The following SHOC1 variants were observed in gnomAD, a reference collection of about 807,000 sequenced individuals.
The protein encoded by SHOC1 is protein shortage in chiasmata 1 ortholog.
Under a neutral mutation model 179.2 loss-of-function variants are expected in SHOC1, and 136 were observed. That is an observed-to-expected ratio of 0.76 (90% confidence interval 0.66 to 0.87). The LOEUF (loss-of-function observed/expected upper bound fraction) is 0.87, where lower values mean the gene tolerates loss of function less well. Ranked by LOEUF, SHOC1 falls within the 40% of genes least tolerant of loss-of-function variation. The pLI is 0.00. For missense variants in SHOC1, 1,538 were observed against 1,700.8 expected, an observed-to-expected ratio of 0.90 and a Z score of 1.68; for synonymous variants, 489 against 586.6, an observed-to-expected ratio of 0.83 and a Z score of 2.41.
intron 20 of SHOC1, 53 bp downstream of exon 20, chr9:111,706,515 A>T: frequency 7.6e-7 from 1 of 1,313,746 alleles, no homozygotes; most frequent in South Asian, 1.7e-5. Flanking sequence ...AACAAAAAAT[A>T]GAAAATTTTC....
chr9:111,712,449 G>C (rs73656296), intron 18 of SHOC1, among the ~76,000 whole-genome samples: 1,709 of 149,106 alleles, frequency 0.011, 25 homozygotes, highest in African/African-American at 0.042. Context: ...ATCTCTATGC[G>C]GTATATATGT....
At chr9:111,759,205 G>T (rs762504561) in intron 5 of SHOC1, 1 of 1,613,610 alleles carries the variant, frequency 6.2e-7, no homozygotes, top group Non-Finnish European at 8.5e-7. Context: ...AGAAATAGAA[G>T]TATTTGACTT....
At chr9:111,750,787 G>A (rs535414763) in intron 8 of SHOC1, among the ~76,000 whole-genome samples, 1 of 152,268 alleles carries the variant, frequency 6.6e-6, no homozygotes, top group East Asian at 1.9e-4. Flanking sequence ...CTCCCATTTT[G>A]TAGGCTGTCT....
At chr9:111,790,620 C>G (rs1034341059) in intron 2 of SHOC1, among the ~76,000 whole-genome samples, 1 of 107,912 alleles carries the variant, frequency 9.3e-6, no homozygotes, top group African/African-American at 3.6e-5. Context: ...TCTCGGCTCA[C>G]TGCAACCTCC....
chr9:111,723,207 C>T (rs1833147672), intron 14 of SHOC1, among the ~76,000 whole-genome samples: 1 of 152,010 alleles, frequency 6.6e-6, no homozygotes, highest in African/African-American at 2.4e-5. Flanking sequence ...TTAAGCCAAA[C>T]AATGAAAAAT....
At chr9:111,739,480 C>G (rs1178169262) in intron 11 of SHOC1, among the ~76,000 whole-genome samples, 2 of 152,188 alleles carry the variant, frequency 1.3e-5, no homozygotes. Context: ...TTCCTCATCC[C>G]CCAACCCCTG....
intron 22 of SHOC1, 36 bp downstream of exon 22, chr9:111,703,845 T>C (rs967884514): frequency 3.0e-6 from 3 of 993,466 alleles, no homozygotes; most frequent in African/African-American, 1.6e-5. Flanking sequence ...TATATTTTAG[T>C]CTATTTTAGT....
chr9:111,724,805 GA>G (rs1833224710), intron 13 of SHOC1, among the ~76,000 whole-genome samples: 1 of 152,144 alleles, frequency 6.6e-6, no homozygotes, highest in Non-Finnish European at 1.5e-5. Flanking sequence ...TTGCCACATT[GA>G]ATTGAAATGA....
chr9:111,723,515 G>C (rs1006576638), intron 14 of SHOC1, among the ~76,000 whole-genome samples: 1 of 152,186 alleles, frequency 6.6e-6, no homozygotes, highest in Non-Finnish European at 1.5e-5. Context: ...AAGAGTCCGA[G>C]GAGGTACAGT....
chr9:111,721,362 C>T lies in SHOC1; in HGVS notation c.2131+1047G>A, dbSNP rs114575360. 5.2e-3 allele frequency among the ~76,000 whole-genome samples: 798 copies of T among 152,242 alleles called. 5 individuals carry two copies. The highest frequency in any genetic ancestry group is 0.017 in the African/African-American group (712 of 41,554). ...GTTTGTTTTTGTTTTTGTTTTGAGA[C>T]GAAGTCTCACTCTGTTACCCAGGCT... is the stretch of plus-strand genomic sequence containing the variant. On this transcript the variant is annotated intron_variant, in intron 15 of 27. Transcript: ENST00000682961.
At position 111,686,786 on chromosome 9, in the gene SHOC1, C is replaced by T. The variant is rs377411324; in HGVS notation, c.4511G>A (p.Arg1504Gln). Residue 1504 changes from arginine to glutamine, a missense_variant, in exon 28 of 28, where the codon CGG (arginine) becomes CAG (glutamine). By Grantham distance (43) the Arg-to-Gln change is conservative. Coordinates refer to ENST00000682961, the MANE Select transcript of SHOC1 (RefSeq NM_001378211.1). ...TCTCCTCCTTCAAAAAAACCTCAGC[C>T]GAGTCTGCCCATCAACTCTACCAGG... ...KVPGRVDGQTRLRFF is the reference protein window; with the variant it reads ...KVPGRVDGQTQLRFF The T allele has an allele frequency of 1.7e-5, 27 of 1,612,472 alleles. No individual in the cohort carries two copies. Among genetic ancestry groups the T allele is most frequent in the East Asian group, 4.5e-5 (2 of 44,862 alleles).
At chr9:111,781,748 A>AT (rs1422600372) in intron 3 of SHOC1, among the ~76,000 whole-genome samples, 1,647 of 151,440 alleles carry the variant, frequency 0.011, 9 homozygotes, top group African/African-American at 0.017. Flanking sequence ...AAATAAATAA[A>AT]TAAATTTGTA....
rs1191844783 is a variant in SHOC1 at position 111,691,845 on chromosome 9, CA to C, written c.4131del (p.Ala1378HisfsTer79). ...AATTTGTTACATGCAGTCTGCTGTG[CA>C]CCATATTGTAAGTTGAACGGGTGAT... Reference protein sequence around the residue: ...QENHPFNLQYGAQQTACNKLY... With the variant: ...QENHPFNLQYXAQQTACNKLY... On this transcript the variant is annotated frameshift_variant, in exon 27 of 28. Coordinates refer to ENST00000682961, the MANE Select transcript of SHOC1 (RefSeq NM_001378211.1). LOFTEE classifies it high-confidence loss of function. The C allele has an allele frequency of 3.1e-6, 5 of 1,613,580 alleles. No individual in the cohort carries two copies. The East Asian group carries it at 1.1e-4, about 36-fold the overall frequency.
At position 111,722,442 on chromosome 9, in the gene SHOC1, G is replaced by C. The variant is rs1380964891; in HGVS notation, c.2098C>G (p.Gln700Glu). Residue 700 changes from glutamine (Q) to glutamate (E), a missense_variant, in exon 15 of 28, where the codon CAA becomes GAA. Gln to Glu is a conservative substitution (Grantham distance 29). Transcript: ENST00000682961. ...FDQTRFLLKE[Q>E]EKVVSDAVRQ... ...ACAGCATCACTTACTACTTTTTCTT[G>C]TTCCTTTAAGAGAAACCTTGTTTGG... 3.7e-6 allele frequency: 6 copies of C among 1,604,922 alleles called. No homozygotes were observed. The South Asian group carries it at 5.6e-5, about 15-fold the overall frequency.
At chr9:111,694,140 T>C in intron 25 of SHOC1, 91 bp downstream of exon 25, 1 of 1,329,556 alleles carries the variant, frequency 7.5e-7, no homozygotes, top group African/African-American at 1.5e-5. Flanking sequence ...TTTGAGACAT[T>C]TGGGGGAAAA....
chr9:111,705,455 G>C, intron 20 of SHOC1, 91 bp from the exon 21 acceptor site: 1 of 512,744 alleles, frequency 2.0e-6, no homozygotes, highest in Admixed American at 3.3e-5. Context: ...AGGATAAGTA[G>C]GAGTAGTATA....
At chr9:111,697,562 G>A (rs539281802) in intron 24 of SHOC1, among the ~76,000 whole-genome samples, 1 of 152,292 alleles carries the variant, frequency 6.6e-6, no homozygotes, top group African/African-American at 2.4e-5. Context: ...TGATGTATAT[G>A]TGCCACATTT....
At chr9:111,784,592 T>C (rs1055988080) in intron 3 of SHOC1, among the ~76,000 whole-genome samples, 2 of 152,218 alleles carry the variant, frequency 1.3e-5, no homozygotes, top group African/African-American at 4.8e-5. Flanking sequence ...TCAGGTTATA[T>C]CATTCCCTTT....
At chr9:111,747,075 A>C (rs943511769) in intron 9 of SHOC1, among the ~76,000 whole-genome samples, 2 of 152,186 alleles carry the variant, frequency 1.3e-5, no homozygotes, top group African/African-American at 2.4e-5. Flanking sequence ...TGTATTATAA[A>C]GAGTAATTAT....
Sources: gnomAD v4.1 joint callset for allele counts (sites outside exome capture counted in the v4.1 genomes callset) on GRCh38, gnomAD v4.1.1 for gene constraint, MANE v1.5 for transcripts, NCBI Gene and HGNC (gene_info 2026-07-23, HGNC 2026-07-21) for gene names.